Variants in MYH11 observed in about 807,000 individuals in gnomAD.
MYH11 encodes myosin heavy chain 11.
A neutral mutation model predicts 246.6 loss-of-function variants in MYH11; 80 were observed. The observed-to-expected ratio is 0.32, with a 90% CI of 0.27 to 0.39. The LOEUF (loss-of-function observed/expected upper bound fraction) is 0.39. MYH11 is among the 10% of genes least tolerant of loss of function. The probability of loss-of-function intolerance (pLI) is 1.00; values close to 1 mark genes in which losing one functional copy is unlikely to be tolerated. For synonymous variants in MYH11, 1,071 were observed against 1,015.5 expected, an observed-to-expected ratio of 1.05 and a Z score of -1.04; for missense variants, 2,158 against 2,546.8, an observed-to-expected ratio of 0.85 and a Z score of 3.29.
At chr16:15,777,015 G>A (rs186810439) in intron 7 of MYH11, among the ~76,000 whole-genome samples, 1 of 152,256 alleles carries the variant, frequency 6.6e-6, no homozygotes, top group East Asian at 1.9e-4. Context: ...CCAGCTAGCA[G>A]TGCCCGGGCT....
chr16:15,807,237 C>T (rs992897986), intron 3 of MYH11, among the ~76,000 whole-genome samples: 2 of 152,238 alleles, frequency 1.3e-5, no homozygotes, highest in African/African-American at 4.8e-5. Flanking sequence ...AAGTGATCCT[C>T]CCGCCTTGGC....
At chr16:15,800,823 C>T (rs1056500900) in intron 3 of MYH11, among the ~76,000 whole-genome samples, 2 of 151,954 alleles carry the variant, frequency 1.3e-5, no homozygotes, top group Admixed American at 6.6e-5. Context: ...GTTTGGGTGG[C>T]CTGGTTGAAC....
chr16:15,842,874 C>A (rs2044092978), intron 1 of MYH11, among the ~76,000 whole-genome samples: 1 of 147,382 alleles, frequency 6.8e-6, no homozygotes, highest in Non-Finnish European at 1.5e-5. Context: ...TGGTAGACAA[C>A]ATGTATTGTC....
chr16:15,743,600 G>A (rs1484593586), intron 20 of MYH11, among the ~76,000 whole-genome samples: 2 of 152,178 alleles, frequency 1.3e-5, no homozygotes, highest in Non-Finnish European at 1.5e-5. Flanking sequence ...CTGGCACAAG[G>A]AAGCCCCTGC....
chr16:15,837,839 C>G (rs779435187), intron 2 of MYH11, 69 bp downstream of exon 2: 1 of 1,447,110 alleles, frequency 6.9e-7, no homozygotes, highest in Non-Finnish European at 9.7e-7. Flanking sequence ...CCAGCCCTCC[C>G]AACACATTTC....
intron 9 of MYH11, among the ~76,000 whole-genome samples, chr16:15,768,004 C>T (rs2042021759): frequency 6.6e-6 from 1 of 151,856 alleles, no homozygotes; most frequent in Non-Finnish European, 1.5e-5. Flanking sequence ...TCTTGAACTC[C>T]TGGCCTCAAA....
rs2040715879 is a variant in MYH11 at position 15,725,617 on chromosome 16, C to T, written c.3859-625G>A. On this transcript the variant is annotated intron_variant, in intron 28 of 40. Coordinates refer to ENST00000300036, the MANE Select transcript of MYH11 (RefSeq NM_002474.3). The stretch of plus-strand genomic sequence containing the variant: ...CATTGACAAGGAGGATATGAATGAT[C>T]TTGACACTGCTTATATGAGGGCGGC... The T allele has an allele frequency of 5.0e-6, 2 of 403,718 alleles. No individual in the cohort carries two copies. Among genetic ancestry groups the T allele is most frequent in the Non-Finnish European group, 8.7e-6 (2 of 228,900 alleles). 25.0% of individuals were successfully genotyped at this position (403,718 alleles called of 1,614,324 possible).
intron 40 of MYH11, 48 bp from the exon 41 acceptor site, chr16:15,704,171 T>C (rs1205602940): frequency 1.2e-6 from 2 of 1,608,682 alleles, no homozygotes; most frequent in South Asian, 2.2e-5. Context: ...ATCTTCATGG[T>C]TGGGATAGAT....
chr16:15,848,577 G>T (rs28535135), intron 1 of MYH11, among the ~76,000 whole-genome samples: 1 of 151,880 alleles, frequency 6.6e-6, no homozygotes, highest in African/African-American at 2.4e-5. Context: ...ATTCTGTGTC[G>T]TGAGGGGAGC....
chr16:15,763,791 A>G lies in MYH11; in HGVS notation c.1129+5T>C, dbSNP rs1454799456. Reference sequence around the variant, plus strand: ...CATTGGTCATCAGGAAAAAGTGGCAAGTACCTGTGTTATCTGGCATGGACG... The same window carrying G: ...CATTGGTCATCAGGAAAAAGTGGCAGGTACCTGTGTTATCTGGCATGGACG... On this transcript the variant is annotated splice_donor_5th_base_variant and intron_variant, in intron 10 of 40. Coordinates refer to ENST00000300036, the MANE Select transcript of MYH11 (RefSeq NM_002474.3). The G allele has an allele frequency of 6.7e-7, 1 of 1,497,448 alleles. No homozygotes were observed. 92.8% of individuals were successfully genotyped at this position (1,497,448 alleles called of 1,614,324 possible).
intron 37 of MYH11, 161 bp downstream of exon 37, chr16:15,718,154 G>T: frequency 9.0e-7 from 1 of 1,109,714 alleles, no homozygotes; most frequent in Non-Finnish European, 1.3e-6. Context: ...CTGGGCACTG[G>T]TGTAAGGGCC....
chr16:15,717,965 C>T lies in MYH11; in HGVS notation c.5295+350G>A, dbSNP rs905415688. On this transcript the variant is annotated intron_variant, in intron 37 of 40. Transcript: ENST00000300036. ...TAGTGCCCACCATGGAACTAGTGCT[C>T]AGTGACATCACCAAGGGCTCACTGG... The T allele has an allele frequency of 3.3e-4, 129 of 392,672 alleles. 1 individual carries two copies. The Middle Eastern group carries it at 4.8e-3, about 15-fold the overall frequency. 24.3% of individuals were successfully genotyped at this position (392,672 alleles called of 1,614,324 possible).
intron 24 of MYH11, 97 bp downstream of exon 24, chr16:15,738,468 G>C (rs1368632786): frequency 1.7e-6 from 2 of 1,187,642 alleles, no homozygotes; most frequent in East Asian, 2.6e-5. Context: ...AGCCATGATC[G>C]CACCACTGCA....
chr16:15,719,479 C>A, intron 35 of MYH11, 106 bp downstream of exon 35: 1 of 1,573,418 alleles, frequency 6.4e-7, no homozygotes, highest in Non-Finnish European at 8.7e-7. Flanking sequence ...ACAGGTGGAC[C>A]CCAGAGGAGG....
intron 1 of MYH11, among the ~76,000 whole-genome samples, chr16:15,845,928 C>G (rs747327000): frequency 6.6e-6 from 1 of 152,020 alleles, no homozygotes; most frequent in East Asian, 1.9e-4. Context: ...CCTGTCTCTA[C>G]TAAAAATACA....
intron 27 of MYH11, among the ~76,000 whole-genome samples, chr16:15,732,226 G>C (rs1001620967): frequency 3.9e-5 from 6 of 152,026 alleles, no homozygotes; most frequent in Non-Finnish European, 7.4e-5. Context: ...GCCTCCCAAA[G>C]TGCTGGGATT....
chr16:15,736,861 G>A (rs976103307), intron 25 of MYH11, among the ~76,000 whole-genome samples: 3 of 152,132 alleles, frequency 2.0e-5, no homozygotes, highest in Non-Finnish European at 4.4e-5. Context: ...GAGTGAGCAG[G>A]TAAATAATCA....
intron 19 of MYH11, 57 bp downstream of exon 19, chr16:15,747,513 A>G: frequency 6.2e-7 from 1 of 1,603,674 alleles, no homozygotes; most frequent in Non-Finnish European, 8.5e-7. Context: ...TCAGAACAGA[A>G]AGGCCCCTGT....
chr16:15,717,055 C>A (rs144011757), intron 38 of MYH11, 85 bp downstream of exon 38: 1 of 1,414,970 alleles, frequency 7.1e-7, no homozygotes, highest in Non-Finnish European at 1.0e-6. Context: ...AGAACTGATG[C>A]TGGAAGAGGT....
Sources: gnomAD v4.1 joint callset for allele counts (sites outside exome capture counted in the v4.1 genomes callset) on GRCh38, gnomAD v4.1.1 for gene constraint, MANE v1.5 for transcripts, NCBI Gene and HGNC (gene_info 2026-07-23, HGNC 2026-07-21) for gene names.